The following XIRP2 variants were observed in gnomAD, a reference collection of about 807,000 sequenced individuals.
The protein encoded by XIRP2 is xin actin-binding repeat-containing protein 2.
Under a neutral mutation model 277.0 loss-of-function variants are expected in XIRP2, and 236 were observed. That is an observed-to-expected ratio of 0.85 (90% CI 0.77 to 0.95). The LOEUF (loss-of-function observed/expected upper bound fraction) is 0.95. Among genes scored for constraint, XIRP2 ranks in the 40% least tolerant of loss-of-function variants. The pLI, the probability that XIRP2 is intolerant of heterozygous loss-of-function variation, is 0.00. For synonymous variants in XIRP2, 1,490 were observed against 1,416.5 expected (o/e 1.05, Z -1.17); for missense variants, 4,640 against 4,157.5 (o/e 1.12, Z -3.19).
chr2:167,176,530 G>A (rs1414028272), intron 3 of XIRP2, among the ~76,000 whole-genome samples: 1 of 152,112 alleles, frequency 6.6e-6, no homozygotes, highest in Admixed American at 6.5e-5. Flanking sequence ...CAGCTCTATT[G>A]ACTGTGTTTT....
intron 3 of XIRP2, among the ~76,000 whole-genome samples, chr2:167,156,927 T>C (rs1333363432): frequency 6.6e-6 from 1 of 152,190 alleles, no homozygotes; most frequent in Non-Finnish European, 1.5e-5. Context: ...TTGCCTCTTC[T>C]GGGTTTCCCT....
chr2:166,932,520 G>A (rs1013287408), intron 2 of XIRP2, among the ~76,000 whole-genome samples: 3 of 151,848 alleles, frequency 2.0e-5, no homozygotes, highest in Admixed American at 1.3e-4. Flanking sequence ...CAGCCCATAC[G>A]CTCTCTTAAT....
intron 2 of XIRP2, among the ~76,000 whole-genome samples, chr2:167,099,999 C>CT (rs1690444991): frequency 6.6e-6 from 1 of 151,760 alleles, no homozygotes; most frequent in Non-Finnish European, 1.5e-5. Flanking sequence ...AAACAAAACT[C>CT]TCATCCAAAT....
At chr2:167,123,457 A>G (rs1161282744) in intron 2 of XIRP2, among the ~76,000 whole-genome samples, 1 of 152,186 alleles carries the variant, frequency 6.6e-6, no homozygotes, top group Non-Finnish European at 1.5e-5. Flanking sequence ...CCGTAACAAA[A>G]TGCCACAGAT....
At chr2:167,079,475 G>C (rs1363707357) in intron 2 of XIRP2, among the ~76,000 whole-genome samples, 1 of 152,058 alleles carries the variant, frequency 6.6e-6, no homozygotes, top group East Asian at 1.9e-4. Context: ...CCTTTTATTG[G>C]TTGGTGGGTT....
intron 2 of XIRP2, among the ~76,000 whole-genome samples, chr2:167,022,595 C>G (rs1329310271): frequency 2.6e-5 from 4 of 151,910 alleles, no homozygotes; most frequent in African/African-American, 9.7e-5. Context: ...GCTATCCCTC[C>G]CCCCTACCCC....
chr2:167,189,659 T>C (rs1289327177), intron 3 of XIRP2, among the ~76,000 whole-genome samples: 1 of 152,206 alleles, frequency 6.6e-6, no homozygotes, highest in Non-Finnish European at 1.5e-5. Flanking sequence ...ATTTATTCCA[T>C]ATAGGTGCAT....
chr2:167,235,836 C>G (rs973913110), intron 5 of XIRP2, among the ~76,000 whole-genome samples: 13 of 151,672 alleles, frequency 8.6e-5, no homozygotes, highest in Admixed American at 3.3e-4. Context: ...AAAGAGAAAC[C>G]TCAGGGCAAA....
intron 5 of XIRP2, among the ~76,000 whole-genome samples, chr2:167,229,956 T>A (rs1694705749): frequency 6.6e-6 from 1 of 152,024 alleles, no homozygotes; most frequent in Admixed American, 6.6e-5. Flanking sequence ...TACTTAGGCA[T>A]GGAAAGGAGG....
At chr2:166,911,649 A>G (rs1400676576) in intron 2 of XIRP2, among the ~76,000 whole-genome samples, 1 of 152,178 alleles carries the variant, frequency 6.6e-6, no homozygotes, top group Non-Finnish European at 1.5e-5. Context: ...TGATCCTGTC[A>G]TTATGATGTT....
At chr2:166,989,278 AAACT>A (rs1687109227) in intron 2 of XIRP2, among the ~76,000 whole-genome samples, 1 of 51,288 alleles carries the variant, frequency 1.9e-5, no homozygotes, top group Non-Finnish European at 3.1e-5. Flanking sequence ...GTTAGAAGGA[AAACT>A]AACAACCAGA....
intron 2 of XIRP2, among the ~76,000 whole-genome samples, chr2:167,028,603 G>A (rs1337428661): frequency 6.6e-6 from 1 of 151,850 alleles, no homozygotes; most frequent in African/African-American, 2.4e-5. Context: ...CAGGTACAAA[G>A]AAGTCCAGAC....
chr2:166,938,975 C>G (rs1574096453), intron 2 of XIRP2, among the ~76,000 whole-genome samples: 1 of 152,236 alleles, frequency 6.6e-6, no homozygotes. Context: ...TTATTTTGAG[C>G]CTATTGTGTC....
At chr2:167,235,866 G>T (rs928623107) in intron 5 of XIRP2, among the ~76,000 whole-genome samples, 9 of 151,802 alleles carry the variant, frequency 5.9e-5, no homozygotes, top group Admixed American at 3.9e-4. Context: ...TTCAATGTTT[G>T]AATTTTAATG....
intron 2 of XIRP2, among the ~76,000 whole-genome samples, chr2:166,962,412 T>C (rs1686322615): frequency 6.6e-6 from 1 of 151,724 alleles, no homozygotes; most frequent in Non-Finnish European, 1.5e-5. Flanking sequence ...GTATTGTCAT[T>C]GGATACACTA....
chr2:167,024,369 T>G (rs1456041480), intron 2 of XIRP2, among the ~76,000 whole-genome samples: 5 of 152,066 alleles, frequency 3.3e-5, no homozygotes, highest in Non-Finnish European at 7.4e-5. Flanking sequence ...ATGATGGAGT[T>G]TTCTAGATAT....
At chr2:167,134,467 T>C (rs1158041588) in intron 2 of XIRP2, among the ~76,000 whole-genome samples, 2 of 151,998 alleles carry the variant, frequency 1.3e-5, no homozygotes, top group Non-Finnish European at 2.9e-5. Flanking sequence ...TTTCGAAGCT[T>C]TTAGCTGTCT....
At chr2:167,187,516 C>G in intron 3 of XIRP2, 1 of 985,132 alleles carries the variant, frequency 1.0e-6, no homozygotes, top group Non-Finnish European at 1.2e-6. Flanking sequence ...GGGGTTAAAC[C>G]TAAATATCAT....
chr2:167,134,501 T>C (rs1691485097), intron 2 of XIRP2, among the ~76,000 whole-genome samples: 1 of 152,098 alleles, frequency 6.6e-6, no homozygotes, highest in Non-Finnish European at 1.5e-5. Context: ...CACTCATGTC[T>C]GTGTACTTAA....
Sources: gnomAD v4.1 joint callset for allele counts (sites outside exome capture counted in the v4.1 genomes callset) on GRCh38, gnomAD v4.1.1 for gene constraint, MANE v1.5 for transcripts, NCBI Gene and HGNC (gene_info 2026-07-23, HGNC 2026-07-21) for gene names.